The following ARHGAP26 variants were observed in gnomAD, a reference collection of about 807,000 sequenced individuals.
ARHGAP26 encodes the protein Rho GTPase activating protein 26.
Under a neutral mutation model 104.8 loss-of-function variants are expected in ARHGAP26, and 38 were observed. The observed-to-expected ratio is 0.36, with a 90% CI of 0.28 to 0.48. The LOEUF is 0.48. Among genes scored for constraint, ARHGAP26 ranks in the 20% least tolerant of loss-of-function variants. The pLI, the probability that ARHGAP26 is intolerant of heterozygous loss-of-function variation, is 0.99. For missense variants in ARHGAP26, 704 were observed against 947.9 expected (o/e 0.74, Z 3.38); for synonymous variants, 341 against 340.0 (o/e 1.00, Z -0.03).
rs559140434 is a variant in ARHGAP26, at chr5:143,102,005, G to A, written c.1539-18983G>A. On this transcript the variant is annotated intron_variant, in intron 17 of 22. Transcript: ENST00000645722. ...CTGGAGAACATGAAACAATAGCCAGGAGCCCCAGGAGCCTGCAGCATGTTT... is the reference window on the plus strand; with the variant it reads ...CTGGAGAACATGAAACAATAGCCAGAAGCCCCAGGAGCCTGCAGCATGTTT... Among the ~76,000 whole-genome samples the A allele has an allele frequency of 1.8e-3, 275 of 152,218 alleles. 1 individual carries two copies. The highest frequency in any genetic ancestry group is 2.9e-3 in the Non-Finnish European group (197 of 68,016).
rs574482079 is a variant in ARHGAP26 at position 142,838,299 on chromosome 5, T to A, written c.155-35101T>A. On this transcript the variant is annotated intron_variant, in intron 1 of 22. Coordinates refer to ENST00000645722, the MANE Select transcript of ARHGAP26 (RefSeq NM_001135608.3). ...AGTTAAGGGTAAAATATTGATTGATTCTGTAGTAATGTTTGTATGGTACCT... is the reference window on the plus strand; with the variant it reads ...AGTTAAGGGTAAAATATTGATTGATACTGTAGTAATGTTTGTATGGTACCT... 2.0e-5 allele frequency among the ~76,000 whole-genome samples: 3 copies of A among 152,244 alleles called. No homozygotes were observed. In the East Asian group the frequency reaches 5.8e-4, roughly 29 times the overall value.
At position 143,031,572 on chromosome 5, in the gene ARHGAP26, C is replaced by CTTT. The variant is rs753414022; in HGVS notation, c.1145-5610_1145-5608dup. 1.5e-3 allele frequency among the ~76,000 whole-genome samples: 199 copies of CTTT among 135,390 alleles called. 1 individual carries two copies. The highest frequency in any genetic ancestry group is 5.2e-3 in the African/African-American group (190 of 36,854). The allele number at this position is 135,390 out of a possible 152,430, so 88.8% of individuals were successfully genotyped here. A position where few individuals can be genotyped will look rare whatever the true frequency, so the allele number is the denominator to read the frequency against. ...TAATTTTCCGACCACCTACACACCT[C>CTTT]TTTTTTTTTTTTTTTTAATAGCTGG... On this transcript the variant is annotated intron_variant, in intron 12 of 22. Coordinates refer to ENST00000645722, the MANE Select transcript of ARHGAP26 (RefSeq NM_001135608.3).
At chr5:142,777,727 A>G (rs1319432467) in intron 1 of ARHGAP26, among the ~76,000 whole-genome samples, 1 of 152,128 alleles carries the variant, frequency 6.6e-6, no homozygotes, top group African/African-American at 2.4e-5. Context: ...TAACCAATGT[A>G]GGAGTCATTA....
chr5:142,903,147 A>G (rs1760608864), intron 7 of ARHGAP26, among the ~76,000 whole-genome samples: 1 of 152,196 alleles, frequency 6.6e-6, no homozygotes, highest in African/African-American at 2.4e-5. Context: ...GCCATCAGCA[A>G]GCAACATTCA....
chr5:142,803,769 T>C (rs1181977632), intron 1 of ARHGAP26, among the ~76,000 whole-genome samples: 7 of 152,166 alleles, frequency 4.6e-5, no homozygotes, highest in Admixed American at 4.6e-4. Flanking sequence ...GTAGGAAGCC[T>C]TATCTGTGGA....
At chr5:143,116,330 C>T (rs1445270290) in intron 17 of ARHGAP26, among the ~76,000 whole-genome samples, 2 of 152,138 alleles carry the variant, frequency 1.3e-5, no homozygotes, top group African/African-American at 4.8e-5. Context: ...AGCTGTTGCT[C>T]CACCCATCCA....
chr5:142,979,166 A>T lies in ARHGAP26; in HGVS notation c.1108-34914A>T, dbSNP rs555227041. ...GTTTGATAATACCATGGTGAAGATG[A>T]AAAAAACGTTATTAGCTTAAAGAAG... On this transcript the variant is annotated intron_variant, in intron 11 of 22. Transcript: ENST00000645722. Among the ~76,000 whole-genome samples the T allele has an allele frequency of 2.0e-5, 3 of 152,198 alleles. 1 individual carries two copies. The South Asian group carries it at 6.2e-4, about 32-fold the overall frequency.
intron 11 of ARHGAP26, chr5:142,969,344 ACC>A (rs1771891824): frequency 6.6e-6 from 1 of 152,124 alleles, no homozygotes; most frequent in African/African-American, 2.4e-5. Context: ...TTGTGATGAG[ACC>A]TTTATAGTTT....
intron 1 of ARHGAP26, among the ~76,000 whole-genome samples, chr5:142,819,893 C>T (rs1472172936): frequency 6.6e-5 from 10 of 152,042 alleles, no homozygotes; most frequent in Non-Finnish European, 1.5e-4. Context: ...ACTGGTGTTG[C>T]ATACACCAGG....
chr5:142,974,498 CT>C (rs1252741399), intron 11 of ARHGAP26, among the ~76,000 whole-genome samples: 1 of 152,072 alleles, frequency 6.6e-6, no homozygotes, highest in Non-Finnish European at 1.5e-5. Context: ...ACAAATATTG[CT>C]TAATGTTTTA....
intron 17 of ARHGAP26, among the ~76,000 whole-genome samples, chr5:143,064,733 C>T (rs1562357622): frequency 6.6e-6 from 1 of 152,198 alleles, no homozygotes; most frequent in Admixed American, 6.5e-5. Context: ...TGCTTACTTT[C>T]AACCCAAGAA....
chr5:142,892,349 G>T (rs1338197192), intron 5 of ARHGAP26, among the ~76,000 whole-genome samples: 1 of 151,908 alleles, frequency 6.6e-6, no homozygotes, highest in Non-Finnish European at 1.5e-5. Context: ...GGGCCTTGGG[G>T]GCAGATCCAC....
rs190674445 is a variant in ARHGAP26, at chr5:142,905,611, C to G, written c.832+1942C>G. 5.3e-5 allele frequency among the ~76,000 whole-genome samples: 8 copies of G among 152,194 alleles called. No homozygotes were observed. The East Asian group carries it at 1.5e-3, about 29-fold the overall frequency. ...CATACACACACATACACACTTTTTTCTGAGTCATTTGAGAATATGGTTGCA... is the reference window on the plus strand; with the variant it reads ...CATACACACACATACACACTTTTTTGTGAGTCATTTGAGAATATGGTTGCA... On this transcript the variant is annotated intron_variant, in intron 8 of 22. Coordinates refer to ENST00000645722, the MANE Select transcript of ARHGAP26 (RefSeq NM_001135608.3).
At chr5:142,964,540 T>TG (rs1562167529) in intron 11 of ARHGAP26, among the ~76,000 whole-genome samples, 1 of 109,916 alleles carries the variant, frequency 9.1e-6, no homozygotes, top group East Asian at 6.9e-4. Flanking sequence ...TTTCTCTGTT[T>TG]AAAACACACA....
chr5:143,093,357 G>C (rs951900079), intron 17 of ARHGAP26, among the ~76,000 whole-genome samples: 5 of 152,128 alleles, frequency 3.3e-5, no homozygotes, highest in African/African-American at 1.2e-4. Flanking sequence ...CAGTGCTTTC[G>C]GGCCTTGTTT....
chr5:142,966,994 A>G (rs1771472571), intron 11 of ARHGAP26, among the ~76,000 whole-genome samples: 2 of 152,218 alleles, frequency 1.3e-5, no homozygotes, highest in Admixed American at 1.3e-4. Flanking sequence ...CTTTGTGTGT[A>G]TATAGTGCAT....
chr5:143,048,548 A>G (rs1245424492), intron 14 of ARHGAP26, among the ~76,000 whole-genome samples: 4 of 151,678 alleles, frequency 2.6e-5, no homozygotes, highest in Non-Finnish European at 5.9e-5. Flanking sequence ...GGTGTGAGCC[A>G]CCATGACTGG....
chr5:143,014,673 A>C (rs1779349810), intron 12 of ARHGAP26, among the ~76,000 whole-genome samples: 2 of 152,274 alleles, frequency 1.3e-5, no homozygotes, highest in Admixed American at 1.3e-4. Context: ...ACTGTAGTGC[A>C]TTTGCCCTGC....
chr5:143,031,454 G>C (rs755784719), intron 12 of ARHGAP26, among the ~76,000 whole-genome samples: 1 of 152,168 alleles, frequency 6.6e-6, no homozygotes, highest in Non-Finnish European at 1.5e-5. Context: ...GGACAAAATT[G>C]AGAGGCATTA....
Sources: allele counts gnomAD v4.1 joint callset (sites outside exome capture counted in the v4.1 genomes callset), GRCh38; gene constraint gnomAD v4.1.1; transcripts MANE v1.5; gene names NCBI Gene and HGNC (gene_info 2026-07-23, HGNC 2026-07-21).